The following KYNU variants were observed in gnomAD, a reference collection of about 807,000 sequenced individuals.
KYNU encodes the protein kynureninase, also known as L-kynurenine hydrolase.
A neutral mutation model predicts 59.2 loss-of-function variants in KYNU; 54 were observed. That is an observed-to-expected ratio of 0.91 (90% CI 0.73 to 1.14). The LOEUF (loss-of-function observed/expected upper bound fraction) is 1.14. Among genes scored for constraint, KYNU ranks in the 50% most tolerant of loss-of-function variants. The probability of loss-of-function intolerance (pLI) is 0.00; values close to 1 mark genes in which losing one functional copy is unlikely to be tolerated. For missense variants in KYNU, 567 were observed against 554.4 expected, an observed-to-expected ratio of 1.02 and a Z score of -0.23; for synonymous variants, 177 against 192.0, an observed-to-expected ratio of 0.92 and a Z score of 0.65.
intron 10 of KYNU, among the ~76,000 whole-genome samples, chr2:142,998,992 A>C (rs1685628049): frequency 6.9e-6 from 1 of 144,674 alleles, no homozygotes; most frequent in Non-Finnish European, 1.5e-5. Flanking sequence ...CTGGCAACAG[A>C]CTGAGACTCC....
At position 142,985,148 on chromosome 2, in the gene KYNU, G is replaced by A; in HGVS notation, c.794G>A (p.Trp265Ter). The change falls in exon 9 of 14, where the codon TGG becomes TAG. Residue 265 changes from tryptophan to a stop codon, truncating the protein, a stop_gained. Coordinates refer to ENST00000264170, the MANE Select transcript of KYNU (RefSeq NM_003937.3). LOFTEE classifies it high-confidence loss of function. ...AATGTTGAACTCTACTTACATGACT[G>A]GGGAGTTGATTTTGCCTGCTGGTGT... is the stretch of plus-strand genomic sequence containing the variant. The part of the protein sequence containing the change: ...VGNVELYLHD[W>*]GVDFACWCSY... 1 of 1,610,830 alleles carries A rather than the reference G, an allele frequency of 6.2e-7. No homozygotes were observed.
chr2:142,941,910 T>C (rs1308257738), intron 4 of KYNU, among the ~76,000 whole-genome samples: 2 of 152,174 alleles, frequency 1.3e-5, no homozygotes, highest in Non-Finnish European at 2.9e-5. Flanking sequence ...GGCTCACGCC[T>C]GTAATCCCAA....
intron 10 of KYNU, among the ~76,000 whole-genome samples, chr2:143,029,014 C>G (rs558212054): frequency 6.6e-6 from 1 of 151,980 alleles, no homozygotes; most frequent in African/African-American, 2.4e-5. Flanking sequence ...CCTTTTTGAG[C>G]TTTTAGCTTA....
rs922797200 is a variant in KYNU, at chr2:142,934,828, C to T, written c.373+7087C>T. On this transcript the variant is annotated intron_variant, in intron 4 of 13. Coordinates refer to ENST00000264170, the MANE Select transcript of KYNU (RefSeq NM_003937.3). ...GGATGGGGGCGGTCCTTGTGGGGTC[C>T]GCTGACAGTCCAACCTCCGGTGGGG... 4.6e-5 allele frequency among the ~76,000 whole-genome samples: 7 copies of T among 152,136 alleles called. No individual in the cohort carries two copies. The East Asian group carries it at 5.8e-4, about 13-fold the overall frequency.
intron 2 of KYNU, among the ~76,000 whole-genome samples, chr2:142,886,204 A>G (rs1681505742): frequency 6.6e-6 from 1 of 152,220 alleles, no homozygotes; most frequent in African/African-American, 2.4e-5. Flanking sequence ...TACATTAATA[A>G]AAAAGGTTCC....
chr2:142,891,043 A>C (rs975093628), intron 2 of KYNU, among the ~76,000 whole-genome samples: 1 of 152,172 alleles, frequency 6.6e-6, no homozygotes, highest in Non-Finnish European at 1.5e-5. Context: ...GAAAATGTCC[A>C]GTTAATATAG....
rs1178278959 is a variant in KYNU, at chr2:143,033,264, A to G, written c.984A>G (p.Gly328=). Residue 328 remains glycine, a synonymous_variant, in exon 12 of 14, where the codon GGA becomes GGG. Transcript: ENST00000264170. Reference sequence around the variant, plus strand: ...TGCAGTTAATCCCTGGGGTCTGTGGATTCCGAATTTCAAATCCTCCCATTT... The same window carrying G: ...TGCAGTTAATCCCTGGGGTCTGTGGGTTCCGAATTTCAAATCCTCCCATTT... ...NKLQLIPGVC[G]FRISNPPILL... is the part of the protein sequence containing the mutation. The G allele has an allele frequency of 5.0e-6, 8 of 1,613,476 alleles. No homozygotes were observed. Among genetic ancestry groups the G allele is most frequent in the Non-Finnish European group, 6.8e-6 (8 of 1,179,490 alleles).
intron 4 of KYNU, among the ~76,000 whole-genome samples, chr2:142,942,163 AAAAAAAAAAAAG>A (rs1181666300): frequency 6.0e-5 from 9 of 150,490 alleles, no homozygotes; most frequent in Admixed American, 2.0e-4. Context: ...GGTGACAGAA[AAAAAAAAAAAAG>A]AAAAAAAAAA....
intron 8 of KYNU, among the ~76,000 whole-genome samples, chr2:142,974,852 C>T (rs1234458751): frequency 1.3e-5 from 2 of 152,162 alleles, no homozygotes; most frequent in Non-Finnish European, 2.9e-5. Flanking sequence ...TTCTGTCCAG[C>T]CTCTTCTCTC....
chr2:143,024,372 C>G (rs1250457164), intron 10 of KYNU, among the ~76,000 whole-genome samples: 1 of 151,930 alleles, frequency 6.6e-6, no homozygotes, highest in Non-Finnish European at 1.5e-5. Context: ...CACAATATGT[C>G]ATTTTGTTAT....
intron 10 of KYNU, among the ~76,000 whole-genome samples, chr2:143,012,645 G>T (rs1001863648): frequency 1.3e-5 from 2 of 152,152 alleles, no homozygotes; most frequent in Non-Finnish European, 2.9e-5. Context: ...AGCAGTAAAA[G>T]GTCGCTGTAG....
At position 143,044,747 on chromosome 2, in the gene KYNU, A is replaced by G. The variant is rs1687138601; in HGVS notation, c.*2575A>G. The G allele has an allele frequency of 6.6e-6, 1 of 152,126 alleles. No homozygotes were observed. The highest frequency in any genetic ancestry group is 2.4e-5 in the African/African-American group (1 of 41,422). The allele number at this position is 152,126 out of a possible 1,614,324, so 9.4% of individuals were successfully genotyped here. On this transcript the variant is annotated 3_prime_UTR_variant, in exon 14 of 14. Coordinates refer to ENST00000264170, the MANE Select transcript of KYNU (RefSeq NM_003937.3). The stretch of plus-strand genomic sequence containing the variant: ...GATATTTTCCCTTTGTCAGATGGAT[A>G]GATTGCAAAAATTTTCTCCCGTTCT...
chr2:142,889,692 CCA>C (rs1239344483), intron 2 of KYNU, among the ~76,000 whole-genome samples: 3 of 152,156 alleles, frequency 2.0e-5, no homozygotes, highest in Non-Finnish European at 4.4e-5. Flanking sequence ...CATCAGGAAA[CCA>C]GTGTTCCCTA....
intron 10 of KYNU, 88 bp from the exon 11 acceptor site, chr2:143,029,539 T>A (rs781388400): frequency 8.7e-6 from 7 of 804,898 alleles, no homozygotes; most frequent in African/African-American, 1.7e-5. Flanking sequence ...TGAGCTGAGA[T>A]CACGCCACTG....
chr2:143,010,928 T>C (rs1166860855), intron 10 of KYNU, among the ~76,000 whole-genome samples: 4 of 145,564 alleles, frequency 2.7e-5, no homozygotes, highest in Non-Finnish European at 6.0e-5. Flanking sequence ...GGATTAAAGA[T>C]TTAAACGTTA....
intron 10 of KYNU, among the ~76,000 whole-genome samples, chr2:142,999,179 A>AT (rs1558967669): frequency 6.6e-6 from 1 of 152,034 alleles, no homozygotes; most frequent in African/African-American, 2.4e-5. Context: ...ATGGTTTTGC[A>AT]TTTTCTGTGA....
chr2:142,878,331 A>G (rs553266108), intron 1 of KYNU, among the ~76,000 whole-genome samples: 10 of 152,284 alleles, frequency 6.6e-5, no homozygotes, highest in Non-Finnish European at 1.5e-4. Flanking sequence ...GTAACACTGA[A>G]GCAAATGTAT....
rs112249990 is a variant in KYNU, at chr2:142,987,992, A to C, written c.902+1971A>C. On this transcript the variant is annotated intron_variant, in intron 10 of 13. Coordinates refer to ENST00000264170, the MANE Select transcript of KYNU (RefSeq NM_003937.3). ...CTCTGCCATGGTTGTAAGTTTCCTG[A>C]GGCCTTCCCAGTCATGCTTCCTGCA... 7.5e-3 allele frequency among the ~76,000 whole-genome samples: 1,134 copies of C among 152,018 alleles called. 15 individuals carry two copies. Among genetic ancestry groups the C allele is most frequent in the African/African-American group, 0.026 (1,064 of 41,516 alleles).
rs899062198 is a variant in KYNU, at chr2:143,016,797, G to T, written c.903-12830G>T. On this transcript the variant is annotated intron_variant, in intron 10 of 13. Transcript: ENST00000264170. ...GTACCTATGCAGGCTTATTACCTGG[G>T]TATATTGTGTGATGCTGAGGTTTGG... 5.3e-5 allele frequency among the ~76,000 whole-genome samples: 8 copies of T among 151,956 alleles called. No homozygotes were observed. The East Asian group carries it at 1.5e-3, about 29-fold the overall frequency.
Sources: allele counts gnomAD v4.1 joint callset (sites outside exome capture counted in the v4.1 genomes callset), GRCh38; gene constraint gnomAD v4.1.1; transcripts MANE v1.5; gene names NCBI Gene and HGNC (gene_info 2026-07-23, HGNC 2026-07-21).